SMARCC1: variants seen among roughly 807,000 people sequenced by gnomAD.
SMARCC1 encodes the protein SWI/SNF related BAF chromatin remodeling complex subunit C1, also known as SWI/SNF complex subunit SMARCC1.
SMARCC1 carries 43 observed loss-of-function variants against 147.4 expected under a neutral mutation model. That is an observed-to-expected ratio of 0.29 (90% CI 0.23 to 0.38). The LOEUF (loss-of-function observed/expected upper bound fraction) is 0.38. Among genes scored for constraint, SMARCC1 ranks in the 10% least tolerant of loss-of-function variants. The pLI is 1.00. For synonymous variants in SMARCC1, 495 were observed against 484.4 expected (o/e 1.02, Z -0.29); for missense variants, 1,119 against 1,381.1 (o/e 0.81, Z 3.01).
chr3:47,697,180 G>A (rs958889506), intron 11 of SMARCC1, among the ~76,000 whole-genome samples: 2 of 152,172 alleles, frequency 1.3e-5, no homozygotes, highest in African/African-American at 2.4e-5. Context: ...TTAAGCAAAT[G>A]TGGTGGTGAG....
intron 10 of SMARCC1, among the ~76,000 whole-genome samples, chr3:47,703,135 T>C (rs1418331717): frequency 2.6e-5 from 4 of 152,130 alleles, no homozygotes; most frequent in Admixed American, 6.5e-5. Context: ...GGTTTCACCA[T>C]GCTGCCCAGG....
intron 21 of SMARCC1, among the ~76,000 whole-genome samples, chr3:47,649,275 T>G (rs960932700): frequency 6.6e-6 from 1 of 152,234 alleles, no homozygotes; most frequent in Admixed American, 6.5e-5. Flanking sequence ...AATAATGTTA[T>G]GGAAATCCTC....
At chr3:47,689,947 T>C (rs1180157577) in intron 12 of SMARCC1, among the ~76,000 whole-genome samples, 1 of 152,182 alleles carries the variant, frequency 6.6e-6, no homozygotes, top group Admixed American at 6.5e-5. Flanking sequence ...CAGTACAGAA[T>C]AGGAAAGAGG....
chr3:47,645,956 G>GT (rs2033116011), intron 21 of SMARCC1, among the ~76,000 whole-genome samples: 1 of 152,160 alleles, frequency 6.6e-6, no homozygotes. Flanking sequence ...ATTTGTTTTT[G>GT]TTTTTTAAGA....
intron 24 of SMARCC1, among the ~76,000 whole-genome samples, chr3:47,625,079 T>C (rs190188723): frequency 9.7e-4 from 146 of 151,050 alleles, no homozygotes; most frequent in Admixed American, 2.0e-3. Context: ...TAAAAATTGA[T>C]AACCAAAGCT....
At chr3:47,674,905 T>C (rs1335969835) in intron 18 of SMARCC1, among the ~76,000 whole-genome samples, 3 of 151,960 alleles carry the variant, frequency 2.0e-5, no homozygotes, top group Non-Finnish European at 4.4e-5. Flanking sequence ...TTTCTTTTTC[T>C]TCTTTTAATA....
chr3:47,697,351 A>C (rs1047586513), intron 11 of SMARCC1, among the ~76,000 whole-genome samples: 1 of 148,548 alleles, frequency 6.7e-6, no homozygotes, highest in Non-Finnish European at 1.5e-5. Flanking sequence ...CCCAGGCTGG[A>C]GTGCCCTGGC....
At chr3:47,682,436 G>A (rs544921817) in intron 14 of SMARCC1, among the ~76,000 whole-genome samples, 91 of 152,066 alleles carry the variant, frequency 6.0e-4, no homozygotes, top group Non-Finnish European at 1.0e-3. Flanking sequence ...GTGCCATCAC[G>A]CCTGGTTAAT....
At chr3:47,618,567 G>GA (rs1274886886) in intron 25 of SMARCC1, among the ~76,000 whole-genome samples, 2 of 151,758 alleles carry the variant, frequency 1.3e-5, no homozygotes, top group African/African-American at 2.4e-5. Context: ...AGTCAAAAGA[G>GA]AAAAAATAGT....
intron 21 of SMARCC1, among the ~76,000 whole-genome samples, chr3:47,659,136 T>TGAGA (rs920416947): frequency 1.0e-5 from 1 of 99,578 alleles, no homozygotes; most frequent in Non-Finnish European, 2.2e-5. Context: ...AAAAAAAAAA[T>TGAGA]GAGAGAGAGA....
chr3:47,605,470 G>T (rs2032457040), intron 26 of SMARCC1, among the ~76,000 whole-genome samples: 1 of 152,168 alleles, frequency 6.6e-6, no homozygotes, highest in Non-Finnish European at 1.5e-5. Context: ...ATACAGTGTT[G>T]AGTGGAAGAA....
intron 12 of SMARCC1, among the ~76,000 whole-genome samples, chr3:47,690,005 A>C (rs543346440): frequency 6.6e-6 from 1 of 152,292 alleles, no homozygotes; most frequent in South Asian, 2.1e-4. Flanking sequence ...TGTAATATTT[A>C]AGCTTTTTAT....
chr3:47,656,835 G>A (rs1576400993), intron 21 of SMARCC1, among the ~76,000 whole-genome samples: 1 of 152,054 alleles, frequency 6.6e-6, no homozygotes, highest in East Asian at 1.9e-4. Flanking sequence ...GATCACTTGA[G>A]CCCAGGAGGT....
intron 4 of SMARCC1, among the ~76,000 whole-genome samples, chr3:47,736,654 G>A (rs2034447795): frequency 6.6e-6 from 1 of 152,028 alleles, no homozygotes; most frequent in African/African-American, 2.4e-5. Context: ...TCCAGCCTGG[G>A]TGACAGAGTG....
intron 13 of SMARCC1, among the ~76,000 whole-genome samples, chr3:47,686,729 T>G (rs1246124037): frequency 6.6e-6 from 1 of 152,202 alleles, no homozygotes; most frequent in Non-Finnish European, 1.5e-5. Context: ...CTCATGCCTG[T>G]AATTCCAACA....
intron 21 of SMARCC1, among the ~76,000 whole-genome samples, chr3:47,642,016 C>T (rs952285062): frequency 6.6e-6 from 1 of 152,132 alleles, no homozygotes; most frequent in African/African-American, 2.4e-5. Flanking sequence ...CTAAGCGATC[C>T]AATCGCTTCT....
Position 47,708,556 on chromosome 3 carries a change from T to C in SMARCC1, c.919-2026A>G, listed in dbSNP as rs189762895. Among the ~76,000 whole-genome samples the C allele has an allele frequency of 3.2e-3, 486 of 152,232 alleles. 2 individuals carry two copies. Among genetic ancestry groups the C allele is most frequent in the Middle Eastern group, 6.8e-3 (2 of 294 alleles). ...AACTGGCCAGTTAAATAATGTAATA[T>C]AGAAATTGGAATATTCCTAATGACA... is the stretch of plus-strand genomic sequence containing the variant. On this transcript the variant is annotated intron_variant, in intron 9 of 27. Coordinates refer to ENST00000254480, the MANE Select transcript of SMARCC1 (RefSeq NM_003074.4).
chr3:47,648,341 G>A (rs920629849), intron 21 of SMARCC1, among the ~76,000 whole-genome samples: 47 of 151,726 alleles, frequency 3.1e-4, no homozygotes, highest in African/African-American at 1.1e-3. Context: ...ACTTTTTTTT[G>A]TGAAGCATTC....
At chr3:47,746,817 GC>G (rs2034569499) in intron 2 of SMARCC1, among the ~76,000 whole-genome samples, 1 of 146,336 alleles carries the variant, frequency 6.8e-6, no homozygotes, top group African/African-American at 2.5e-5. Flanking sequence ...TGCAACCTAC[GC>G]CTCCCAGGTT....
Sources: allele counts gnomAD v4.1 joint callset (sites outside exome capture counted in the v4.1 genomes callset), GRCh38; gene constraint gnomAD v4.1.1; transcripts MANE v1.5; gene names NCBI Gene and HGNC (gene_info 2026-07-23, HGNC 2026-07-21).